NIBAN1: variants seen among roughly 807,000 people sequenced by gnomAD.
NIBAN1 encodes niban apoptosis regulator 1.
NIBAN1 carries 81 observed loss-of-function variants against 75.1 expected under a neutral mutation model. The ratio of observed to expected loss-of-function variants is 1.08; its 90% CI spans 0.90 to 1.30. The LOEUF (loss-of-function observed/expected upper bound fraction) is 1.30, where lower values mean the gene tolerates loss of function less well. Among genes scored for constraint, NIBAN1 ranks in the 50% most tolerant of loss-of-function variants. The probability of loss-of-function intolerance (pLI) is 0.00; values close to 1 mark genes in which losing one functional copy is unlikely to be tolerated. For missense variants in NIBAN1, 1,133 were observed against 1,128.1 expected, an observed-to-expected ratio of 1.00 and a Z score of -0.06; for synonymous variants, 436 against 424.8, an observed-to-expected ratio of 1.03 and a Z score of -0.32.
intron 1 of NIBAN1, among the ~76,000 whole-genome samples, chr1:184,957,661 CATTAT>C (rs1239027613): frequency 6.6e-6 from 1 of 152,126 alleles, no homozygotes; most frequent in African/African-American, 2.4e-5. Context: ...ACATTTATTA[CATTAT>C]ATTATTCATT....
At chr1:184,873,963 T>C (rs1490074525) in intron 5 of NIBAN1, among the ~76,000 whole-genome samples, 3 of 152,086 alleles carry the variant, frequency 2.0e-5, no homozygotes, top group Admixed American at 1.3e-4. Context: ...GGTTAAAAAT[T>C]GAAAAATGTA....
intron 5 of NIBAN1, among the ~76,000 whole-genome samples, chr1:184,835,602 G>A (rs575653510): frequency 1.3e-5 from 2 of 152,204 alleles, no homozygotes; most frequent in South Asian, 2.1e-4. Flanking sequence ...TCTCTTTGTA[G>A]CAATTGTGAA....
chr1:184,818,771 A>G lies in NIBAN1; in HGVS notation c.1040T>C (p.Leu347Pro). ...KSCLESVQPF[L>P]ASILEELMGP... ...CATGAGCTCCTCCAGGATGGATGCC[A>G]GGAATGGCTGCACACTCTCCAAGCA... is the stretch of plus-strand genomic sequence containing the variant. Residue 347 changes from leucine (L) to proline (P), a missense_variant, in exon 9 of 14, where the codon CTG (leucine) becomes CCG (proline). Transcript: ENST00000367511. 6.2e-7 allele frequency: 1 copy of G among 1,612,604 alleles called. No homozygotes were observed. The highest frequency in any genetic ancestry group is 8.5e-7 in the Non-Finnish European group (1 of 1,178,742).
At chr1:184,877,533 C>T (rs1419893206) in intron 5 of NIBAN1, among the ~76,000 whole-genome samples, 2 of 152,116 alleles carry the variant, frequency 1.3e-5, no homozygotes, top group African/African-American at 2.4e-5. Context: ...GCATGATTCC[C>T]TCCCGTATCA....
chr1:184,820,485 A>C (rs1253617052), intron 8 of NIBAN1, among the ~76,000 whole-genome samples: 2 of 152,164 alleles, frequency 1.3e-5, no homozygotes, highest in Non-Finnish European at 1.5e-5. Flanking sequence ...TTCAAGGCCC[A>C]GTTCAAATTT....
intron 1 of NIBAN1, among the ~76,000 whole-genome samples, chr1:184,930,707 A>G (rs530779303): frequency 6.6e-6 from 1 of 152,352 alleles, no homozygotes; most frequent in Admixed American, 6.5e-5. Context: ...TGACGCTTCT[A>G]TATATAATCA....
In NIBAN1 at chr1:184,970,326, T is replaced by C. The variant is rs1333031699; in HGVS notation, c.55+3976A>G. On this transcript the variant is annotated intron_variant, in intron 1 of 13. Transcript: ENST00000367511. Reference sequence around the variant, plus strand: ...GATCACACTACCAAAAATATTCAGGTTAAGTCAGACCAGTTCTTATGCCCA... The same window carrying C: ...GATCACACTACCAAAAATATTCAGGCTAAGTCAGACCAGTTCTTATGCCCA... Among the ~76,000 whole-genome samples the C allele has an allele frequency of 3.3e-5, 5 of 152,122 alleles. No individual in the cohort carries two copies. The South Asian group carries it at 8.3e-4, about 25-fold the overall frequency.
At chr1:184,944,040 T>C (rs1658162121) in intron 1 of NIBAN1, among the ~76,000 whole-genome samples, 1 of 152,198 alleles carries the variant, frequency 6.6e-6, no homozygotes, top group South Asian at 2.1e-4. Context: ...TACAATTACC[T>C]CTACGGACGT....
At chr1:184,881,395 C>T (rs561465523) in intron 5 of NIBAN1, among the ~76,000 whole-genome samples, 51 of 152,234 alleles carry the variant, frequency 3.4e-4, no homozygotes, top group African/African-American at 1.1e-3. Flanking sequence ...ACACTTCTGG[C>T]GCAAGTGGGC....
At chr1:184,965,592 A>T (rs1246138174) in intron 1 of NIBAN1, among the ~76,000 whole-genome samples, 1 of 152,204 alleles carries the variant, frequency 6.6e-6, no homozygotes, top group Non-Finnish European at 1.5e-5. Flanking sequence ...GCTAAATGAT[A>T]GGTAAGTACA....
chr1:184,956,036 T>TG (rs59034353), intron 1 of NIBAN1, among the ~76,000 whole-genome samples: 2 of 144,872 alleles, frequency 1.4e-5, no homozygotes, highest in African/African-American at 5.1e-5. Flanking sequence ...TTTGTTTGTT[T>TG]TTTTTTTTTA....
At chr1:184,800,931 T>C (rs1330668991) in intron 12 of NIBAN1, among the ~76,000 whole-genome samples, 1 of 152,210 alleles carries the variant, frequency 6.6e-6, no homozygotes, top group Non-Finnish European at 1.5e-5. Flanking sequence ...TGACATTCAT[T>C]GATTCCTTCT....
At chr1:184,922,254 C>T (rs1304999449) in intron 1 of NIBAN1, among the ~76,000 whole-genome samples, 1 of 151,948 alleles carries the variant, frequency 6.6e-6, no homozygotes, top group Non-Finnish European at 1.5e-5. Flanking sequence ...TACAAACAAT[C>T]CATTTATACT....
At chr1:184,928,076 C>G (rs2102027946) in intron 1 of NIBAN1, among the ~76,000 whole-genome samples, 1 of 152,224 alleles carries the variant, frequency 6.6e-6, no homozygotes, top group African/African-American at 2.4e-5. Flanking sequence ...TGAATCCAGC[C>G]AGAACTGGGG....
At chr1:184,913,154 T>TTATATATATATATATATTA (rs1553227230) in intron 1 of NIBAN1, among the ~76,000 whole-genome samples, 1 of 146,650 alleles carries the variant, frequency 6.8e-6, no homozygotes, top group Admixed American at 6.8e-5. Context: ...TATATATATA[T>TTATATATATATATATATTA]TATATATATA....
At chr1:184,900,767 T>C (rs1341046577) in intron 1 of NIBAN1, among the ~76,000 whole-genome samples, 1 of 152,130 alleles carries the variant, frequency 6.6e-6, no homozygotes. Context: ...TGCTGCAGGG[T>C]ACAGAAAGAA....
chr1:184,919,124 G>A (rs1167415851), intron 1 of NIBAN1, among the ~76,000 whole-genome samples: 1 of 152,192 alleles, frequency 6.6e-6, no homozygotes, highest in Non-Finnish European at 1.5e-5. Flanking sequence ...TAAGTTGTCA[G>A]AAAGACTCAT....
chr1:184,965,298 C>CA lies in NIBAN1; in HGVS notation c.55+9003dup, dbSNP rs569915154. Among the ~76,000 whole-genome samples, 548 of 134,094 alleles carry CA rather than the reference C, an allele frequency of 4.1e-3. 2 individuals are homozygous for CA. Among genetic ancestry groups the CA allele is most frequent in the Admixed American group, 6.5e-3 (86 of 13,266 alleles). 88.0% of individuals were successfully genotyped at this position (134,094 alleles called of 152,430 possible). On this transcript the variant is annotated intron_variant, in intron 1 of 13. Coordinates refer to ENST00000367511, the MANE Select transcript of NIBAN1 (RefSeq NM_052966.4). ...TGGGCAACAGAGTGAGACTCCATCT[C>CA]AAAAAAAAAAAAGAGAAGAATACAC...
intron 1 of NIBAN1, among the ~76,000 whole-genome samples, chr1:184,919,145 T>TA (rs1172730591): frequency 6.6e-6 from 1 of 152,162 alleles, no homozygotes; most frequent in East Asian, 1.9e-4. Context: ...CCTAAAGTAA[T>TA]ATGTTTAGCT....
Sources: allele counts gnomAD v4.1 joint callset (sites outside exome capture counted in the v4.1 genomes callset), GRCh38; gene constraint gnomAD v4.1.1; transcripts MANE v1.5; gene names NCBI Gene and HGNC (gene_info 2026-07-23, HGNC 2026-07-21).